ADAMTS12: variants seen among roughly 807,000 people sequenced by gnomAD.
ADAMTS12 encodes ADAM metallopeptidase with thrombospondin type 1 motif 12.
Under a neutral mutation model 167.8 loss-of-function variants are expected in ADAMTS12, and 118 were observed. That is an observed-to-expected ratio of 0.70 (90% CI 0.61 to 0.82). The LOEUF (loss-of-function observed/expected upper bound fraction) is 0.82. Among genes scored for constraint, ADAMTS12 ranks in the 40% least tolerant of loss-of-function variants. The probability of loss-of-function intolerance (pLI) is 0.00; values close to 1 mark genes in which losing one functional copy is unlikely to be tolerated. For missense variants in ADAMTS12, 1,916 were observed against 1,998.8 expected (o/e 0.96, Z 0.79); for synonymous variants, 704 against 716.9 (o/e 0.98, Z 0.29).
intron 2 of ADAMTS12, among the ~76,000 whole-genome samples, chr5:33,867,663 A>T (rs767638892): frequency 1.4e-4 from 22 of 152,164 alleles, no homozygotes; most frequent in Non-Finnish European, 8.8e-5. Context: ...ATATATAAAA[A>T]GTTTTTAAAC....
At chr5:33,610,958 T>G (rs1738700748) in intron 16 of ADAMTS12, among the ~76,000 whole-genome samples, 1 of 152,014 alleles carries the variant, frequency 6.6e-6, no homozygotes, top group Admixed American at 6.5e-5. Flanking sequence ...TCTCAGCTAC[T>G]CAGGAGGCTG....
At chr5:33,533,343 TA>T (rs1332256617) in intron 23 of ADAMTS12, among the ~76,000 whole-genome samples, 1 of 152,134 alleles carries the variant, frequency 6.6e-6, no homozygotes, top group Admixed American at 6.5e-5. Flanking sequence ...CCATAGAAGG[TA>T]ATGAAATGAA....
At chr5:33,677,251 T>C (rs1387073502) in intron 5 of ADAMTS12, among the ~76,000 whole-genome samples, 1 of 152,220 alleles carries the variant, frequency 6.6e-6, no homozygotes, top group African/African-American at 2.4e-5. Context: ...ATAAGACTGA[T>C]ATTAACAAGT....
At chr5:33,620,130 G>T (rs1739239387) in intron 14 of ADAMTS12, among the ~76,000 whole-genome samples, 1 of 152,210 alleles carries the variant, frequency 6.6e-6, no homozygotes, top group African/African-American at 2.4e-5. Context: ...GTACCTGCTG[G>T]CATAGCTGTA....
chr5:33,788,028 G>T (rs765350220), intron 2 of ADAMTS12, among the ~76,000 whole-genome samples: 26 of 152,108 alleles, frequency 1.7e-4, no homozygotes, highest in Admixed American at 3.3e-4. Context: ...CCACCATAAT[G>T]AACTTTTAAG....
chr5:33,816,809 AT>A (rs1399649454), intron 2 of ADAMTS12, among the ~76,000 whole-genome samples: 1 of 151,890 alleles, frequency 6.6e-6, no homozygotes, highest in East Asian at 1.9e-4. Context: ...AGTGAGTAGG[AT>A]TGTTCTGAAT....
chr5:33,861,617 A>G (rs1386580121), intron 2 of ADAMTS12, among the ~76,000 whole-genome samples: 1 of 152,186 alleles, frequency 6.6e-6, no homozygotes. Flanking sequence ...GAGACAGATC[A>G]ATGAGACAGA....
intron 12 of ADAMTS12, among the ~76,000 whole-genome samples, chr5:33,634,752 G>A (rs1457551454): frequency 2.6e-5 from 4 of 151,932 alleles, no homozygotes; most frequent in Admixed American, 6.6e-5. Context: ...GCATTAAAAT[G>A]AATATATTCT....
Position 33,532,453 on chromosome 5 carries a change from G to A in ADAMTS12, c.4606+2380C>T, listed in dbSNP as rs1324488800. Among the ~76,000 whole-genome samples, 5 of 150,814 alleles carry A rather than the reference G, an allele frequency of 3.3e-5. No homozygotes were observed. The East Asian group carries it at 9.7e-4, about 29-fold the overall frequency. Reference sequence around the variant, plus strand: ...TTAAATGTTCATCTGTATCAACATTGGATCTAAGTACTGTTTCTATTTTTT... The same window carrying A: ...TTAAATGTTCATCTGTATCAACATTAGATCTAAGTACTGTTTCTATTTTTT... On this transcript the variant is annotated intron_variant, in intron 23 of 23. Transcript: ENST00000504830.
chr5:33,819,865 C>T (rs1331943547), intron 2 of ADAMTS12, among the ~76,000 whole-genome samples: 1 of 152,100 alleles, frequency 6.6e-6, no homozygotes, highest in Non-Finnish European at 1.5e-5. Flanking sequence ...AGAAGCAGCT[C>T]ACAGTACCCA....
intron 3 of ADAMTS12, among the ~76,000 whole-genome samples, chr5:33,733,940 G>A (rs1458648455): frequency 6.6e-6 from 1 of 151,102 alleles, no homozygotes; most frequent in Non-Finnish European, 1.5e-5. Context: ...TCTCAGAGCT[G>A]TTCAGTGCAA....
rs995274398 is a variant in ADAMTS12 at position 33,575,632 on chromosome 5, G to T, written c.3972+422C>A. Among the ~76,000 whole-genome samples, 3 of 152,120 alleles carry T rather than the reference G, an allele frequency of 2.0e-5. No homozygotes were observed. In the South Asian group the frequency reaches 6.2e-4, roughly 32 times the overall value. On this transcript the variant is annotated intron_variant, in intron 19 of 23. Transcript: ENST00000504830. Reference sequence around the variant, plus strand: ...GCACTTGAACATAGACCACCCAGGGGTCTTCACTGGTCAGTTTACCTTTCT... The same window carrying T: ...GCACTTGAACATAGACCACCCAGGGTTCTTCACTGGTCAGTTTACCTTTCT...
chr5:33,728,952 A>T (rs925689170), intron 3 of ADAMTS12, among the ~76,000 whole-genome samples: 1 of 152,240 alleles, frequency 6.6e-6, no homozygotes, highest in African/African-American at 2.4e-5. Context: ...TATCATATGC[A>T]TATATGTGTA....
At chr5:33,786,584 T>C (rs1423841754) in intron 2 of ADAMTS12, among the ~76,000 whole-genome samples, 2 of 152,108 alleles carry the variant, frequency 1.3e-5, no homozygotes, top group Non-Finnish European at 2.9e-5. Flanking sequence ...GATTCTGATA[T>C]GCATTGCCTC....
chr5:33,780,935 T>C (rs1746104319), intron 2 of ADAMTS12, among the ~76,000 whole-genome samples: 1 of 152,140 alleles, frequency 6.6e-6, no homozygotes, highest in African/African-American at 2.4e-5. Flanking sequence ...ATGGCATAAG[T>C]TTCCAGGCAA....
chr5:33,618,305 G>A (rs1199122973), intron 14 of ADAMTS12, among the ~76,000 whole-genome samples: 2 of 152,176 alleles, frequency 1.3e-5, no homozygotes, highest in Non-Finnish European at 2.9e-5. Flanking sequence ...TTTTCTCTCA[G>A]GTAGAAGAGG....
chr5:33,669,901 A>G (rs981977960), intron 5 of ADAMTS12, among the ~76,000 whole-genome samples: 2 of 152,102 alleles, frequency 1.3e-5, no homozygotes, highest in Admixed American at 1.3e-4. Flanking sequence ...AAACTATGAA[A>G]CTTCTAGAAA....
chr5:33,746,830 A>G (rs1744807302), intron 3 of ADAMTS12, among the ~76,000 whole-genome samples: 2 of 152,214 alleles, frequency 1.3e-5, no homozygotes, highest in South Asian at 4.1e-4. Flanking sequence ...ATCAGTCGAA[A>G]AGCAGAACTG....
At position 33,881,443 on chromosome 5, in the gene ADAMTS12, C is replaced by A. The variant is rs564390061; in HGVS notation, c.165G>T (p.Val55=). ...CACTGGCATCTACTCGGACTGGACC[C>A]ACCACGTGGTATTCTGGCAGGCCCT... ...FIKGLPEYHV[V]GPVRVDASGH... is the part of the protein sequence containing the mutation. Residue 55 remains valine (V), a synonymous_variant, in exon 2 of 24, where the codon GTG becomes GTT. Coordinates refer to ENST00000504830, the MANE Select transcript of ADAMTS12 (RefSeq NM_030955.4). 4.3e-6 allele frequency: 7 copies of A among 1,613,764 alleles called. No individual in the cohort carries two copies. The South Asian group carries it at 7.7e-5, about 18-fold the overall frequency.
Sources: gnomAD v4.1 joint callset for allele counts (sites outside exome capture counted in the v4.1 genomes callset) on GRCh38, gnomAD v4.1.1 for gene constraint, MANE v1.5 for transcripts, NCBI Gene and HGNC (gene_info 2026-07-23, HGNC 2026-07-21) for gene names.